Variants in TPM3 observed in about 807,000 individuals in gnomAD.
TPM3 encodes the protein tropomyosin alpha-3 chain.
TPM3 carries 16 observed loss-of-function variants against 43.1 expected under a neutral mutation model. The ratio of observed to expected loss-of-function variants is 0.37; its 90% confidence interval spans 0.25 to 0.56. The LOEUF is 0.56. Among genes scored for constraint, TPM3 ranks in the 20% least tolerant of loss-of-function variants. TPM3 has a pLI of 0.77. For missense variants in TPM3, 176 were observed against 337.2 expected, an observed-to-expected ratio of 0.52 and a Z score of 3.74; for synonymous variants, 101 against 116.9, an observed-to-expected ratio of 0.86 and a Z score of 0.88.
chr1:154,191,075 A>G (rs1328152919), intron 2 of TPM3, 111 bp downstream of exon 2: 1 of 1,532,946 alleles, frequency 6.5e-7, no homozygotes, highest in Non-Finnish European at 9.0e-7. Flanking sequence ...GTATGTGAGT[A>G]TATATGTCTG....
chr1:154,174,407 T>TATATATATATATACACAC (rs1261318136), intron 3 of TPM3, among the ~76,000 whole-genome samples: 15 of 72,686 alleles, frequency 2.1e-4, no homozygotes, highest in African/African-American at 7.5e-4. Context: ...TATATATATA[T>TATATATATATATACACAC]ACACACAAAA....
At chr1:154,158,097 T>C (rs1325345505), downstream of TPM3, among the ~76,000 whole-genome samples, 1 of 152,166 alleles carries the variant, frequency 6.6e-6, no homozygotes, top group Non-Finnish European at 1.5e-5. Flanking sequence ...GTTTGAACAT[T>C]GCAAACAATA....
At chr1:154,174,405 T>TATATATATATATAC (rs1553249385) in intron 3 of TPM3, among the ~76,000 whole-genome samples, 3 of 89,530 alleles carry the variant, frequency 3.4e-5, no homozygotes, top group African/African-American at 1.1e-4. Context: ...TATATATATA[T>TATATATATATATAC]ATACACACAA....
intron 3 of TPM3, among the ~76,000 whole-genome samples, chr1:154,173,929 A>C (rs1661908969): frequency 6.7e-6 from 1 of 150,090 alleles, no homozygotes; most frequent in Non-Finnish European, 1.5e-5. Flanking sequence ...GCAGTAAGCC[A>C]AGATCGCACT....
chr1:154,171,355 C>A (rs1661554002), intron 6 of TPM3, 58 bp downstream of exon 6: 1 of 1,586,436 alleles, frequency 6.3e-7, no homozygotes. Context: ...AGTCTTTCAT[C>A]AAGGGCAGGG....
chr1:154,171,554 A>G, intron 5 of TPM3, 66 bp from the exon 6 acceptor site: 2 of 1,543,668 alleles, frequency 1.3e-6, no homozygotes, highest in Non-Finnish European at 1.8e-6. Context: ...AAAGGGAGAG[A>G]GACACATAGA....
rs949522786 is a variant in TPM3, at chr1:154,166,416, C to A, written c.*1521G>T. On this transcript the variant is annotated 3_prime_UTR_variant, in exon 10 of 10. Transcript: ENST00000651641. ...TCTCCACTCCCAGGAGGTCACCATACTGATGCCAAATTTAGTGAGGACATC... is the reference window on the plus strand; with the variant it reads ...TCTCCACTCCCAGGAGGTCACCATAATGATGCCAAATTTAGTGAGGACATC... The A allele has an allele frequency of 5.1e-6, 3 of 586,928 alleles. No individual in the cohort carries two copies. The highest frequency in any genetic ancestry group is 6.8e-6 in the Non-Finnish European group (3 of 444,292). The allele number at this position is 586,928 out of a possible 1,614,324, so 36.4% of individuals were successfully genotyped here. A position where few individuals can be genotyped will look rare whatever the true frequency, so the allele number is the denominator to read the frequency against.
intron 9 of TPM3, 118 bp from the exon 10 acceptor site, chr1:154,168,058 G>A (rs1661175654): frequency 1.4e-6 from 2 of 1,424,406 alleles, no homozygotes; most frequent in African/African-American, 2.8e-5. Flanking sequence ...ATAAAAGAGA[G>A]CCAGACACTT....
At position 154,169,382 on chromosome 1, in the gene TPM3, A is replaced by G. The variant is rs767812868; in HGVS notation, c.777T>C (p.Asp259=). 2.7e-5 allele frequency: 43 copies of G among 1,613,142 alleles called. No individual in the cohort carries two copies. The highest frequency in any genetic ancestry group is 3.1e-5 in the Non-Finnish European group (36 of 1,179,232). The change falls in exon 9 of 10, where the codon GAT becomes GAC. Residue 259 remains aspartate (D), a splice_region_variant and synonymous_variant. Coordinates refer to ENST00000651641, the MANE Select transcript of TPM3 (RefSeq NM_152263.4). ...KLEKTIDDLE[D]ELYAQKLKYK... ...ACTTCAGTTTCTGGGCATAGAGCTC[A>G]TCTGGACAGGCACAGGAACCACAGG...
downstream of TPM3, chr1:154,159,165 G>C (rs1427331429): frequency 2.9e-6 from 2 of 697,150 alleles, no homozygotes; most frequent in Non-Finnish European, 5.3e-6. Flanking sequence ...CTTTCAACTA[G>C]CTGGTATATA....
chr1:154,170,925 T>C lies in TPM3; in HGVS notation c.643-214A>G, dbSNP rs939980544. On this transcript the variant is annotated intron_variant, in intron 6 of 9. Transcript: ENST00000651641. The stretch of plus-strand genomic sequence containing the variant: ...GAGATCCTCAGGTTAAAATTCTCCA[T>C]GACTTTTTAAGATGGATCTAAGCTT... The C allele has an allele frequency of 2.4e-5, 14 of 592,346 alleles. No individual in the cohort carries two copies. The East Asian group carries it at 4.0e-4, about 17-fold the overall frequency. 36.7% of individuals were successfully genotyped at this position (592,346 alleles called of 1,614,324 possible). A position where few individuals can be genotyped will look rare whatever the true frequency, so the allele number is the denominator to read the frequency against.
chr1:154,178,936 C>T (rs1022607399), intron 2 of TPM3, among the ~76,000 whole-genome samples: 1 of 152,200 alleles, frequency 6.6e-6, no homozygotes, highest in African/African-American at 2.4e-5. Flanking sequence ...ACAACACCTT[C>T]GGCTATCCTC....
Position 154,191,910 on chromosome 1 carries a change from T to G in TPM3, c.109A>C (p.Ser37Arg). 1 of 1,613,672 alleles carries G rather than the reference T, an allele frequency of 6.2e-7. No individual in the cohort carries two copies. The highest frequency in any genetic ancestry group is 8.5e-7 in the Non-Finnish European group (1 of 1,179,948). Residue 37 changes from serine (S) to arginine (R), a missense_variant, in exon 1 of 10, where the codon AGT becomes CGT. Physicochemically the swap from Ser to Arg is moderately radical, Grantham distance 110. Coordinates refer to ENST00000651641, the MANE Select transcript of TPM3 (RefSeq NM_152263.4). The part of the protein sequence containing the change: ...EAEQKQAEER[S>R]KQLEDELAAM... ...TCAATGCCAGTGCCTACCTGTTTAC[T>G]TCTTTCTTCTGCCTGCTTCTGCTCA... is the stretch of plus-strand genomic sequence containing the variant.
At chr1:154,171,820 A>G in intron 5 of TPM3, 1 of 672,210 alleles carries the variant, frequency 1.5e-6, no homozygotes, top group Non-Finnish European at 2.6e-6. Flanking sequence ...AATCACCCAA[A>G]GGAAGGAGAC....
rs115611001 is a variant in TPM3, at chr1:154,172,462, C to A, written c.566+446G>T. The A allele has an allele frequency of 7.7e-4, 391 of 508,380 alleles. 3 individuals carry two copies. The highest frequency in any genetic ancestry group is 6.8e-3 in the Middle Eastern group (22 of 3,224). 31.5% of individuals were successfully genotyped at this position (508,380 alleles called of 1,614,324 possible). A position where few individuals can be genotyped will look rare whatever the true frequency, so the allele number is the denominator to read the frequency against. On this transcript the variant is annotated intron_variant, in intron 5 of 9. Coordinates refer to ENST00000651641, the MANE Select transcript of TPM3 (RefSeq NM_152263.4). ...TTTTAGGGACAGGGTCTCCCTATGA[C>A]GCCCAGGCTGGCCTCCAACTCCTGG...
chr1:154,161,444 T>C (rs977730428), downstream of TPM3, among the ~76,000 whole-genome samples: 5 of 149,714 alleles, frequency 3.3e-5, no homozygotes, highest in African/African-American at 1.2e-4. Flanking sequence ...ATCCTTTTTT[T>C]TTTTTTTTTT....
chr1:154,184,533 A>C (rs552807348), intron 2 of TPM3, among the ~76,000 whole-genome samples: 1 of 152,068 alleles, frequency 6.6e-6, no homozygotes, highest in Non-Finnish European at 1.5e-5. Flanking sequence ...ATCTCTAAAA[A>C]TAAATAAATA....
chr1:154,158,657 T>A (rs1461321002), downstream of TPM3: 24 of 428,210 alleles, frequency 5.6e-5, no homozygotes, highest in East Asian at 9.0e-4. Flanking sequence ...CAAGGGAACA[T>A]ATCCTACAGT....
chr1:154,178,652 G>T (rs572825605), intron 2 of TPM3, among the ~76,000 whole-genome samples: 2 of 152,266 alleles, frequency 1.3e-5, no homozygotes, highest in South Asian at 4.1e-4. Context: ...GATTGAACAG[G>T]CCTACTTTTT....
Sources: allele counts gnomAD v4.1 joint callset (sites outside exome capture counted in the v4.1 genomes callset), GRCh38; gene constraint gnomAD v4.1.1; transcripts MANE v1.5; gene names NCBI Gene and HGNC (gene_info 2026-07-23, HGNC 2026-07-21).